CSRNP3: variants seen among roughly 807,000 people sequenced by gnomAD.
CSRNP3 encodes cysteine/serine-rich nuclear protein 3.
In CSRNP3, 12 loss-of-function variants were observed where a neutral mutation model predicts 48.0. That is an observed-to-expected ratio of 0.25 (90% CI 0.16 to 0.41). CSRNP3 has a LOEUF of 0.41. CSRNP3 is among the 10% of genes least tolerant of loss of function. CSRNP3 has a pLI of 1.00. For synonymous variants in CSRNP3, 263 were observed against 269.7 expected (o/e 0.98, Z 0.24); for missense variants, 580 against 724.4 (o/e 0.80, Z 2.29).
At chr2:165,500,422 C>T (rs371604480) in intron 2 of CSRNP3, among the ~76,000 whole-genome samples, 21 of 66,632 alleles carry the variant, frequency 3.2e-4, no homozygotes, top group East Asian at 1.6e-3. Flanking sequence ...TATATATATA[C>T]ACACACACAC....
At chr2:165,670,345 G>T (rs1558969500) in intron 5 of CSRNP3, among the ~76,000 whole-genome samples, 2 of 152,058 alleles carry the variant, frequency 1.3e-5, no homozygotes, top group African/African-American at 2.4e-5. Context: ...TAGACTCCTT[G>T]TCTCTTTACT....
chr2:165,663,768 C>A (rs1242054170), intron 5 of CSRNP3, among the ~76,000 whole-genome samples: 1 of 152,086 alleles, frequency 6.6e-6, no homozygotes, highest in Non-Finnish European at 1.5e-5. Context: ...GTGTACTTCT[C>A]TTCCCAATGG....
intron 4 of CSRNP3, among the ~76,000 whole-genome samples, chr2:165,607,301 A>G (rs916825218): frequency 2.0e-5 from 3 of 152,172 alleles, no homozygotes; most frequent in Non-Finnish European, 4.4e-5. Flanking sequence ...TTGTAGCACC[A>G]TATTAGAAAC....
chr2:165,556,225 G>C (rs73029832), intron 3 of CSRNP3, among the ~76,000 whole-genome samples: 3,110 of 152,170 alleles, frequency 0.02, 113 homozygotes, highest in African/African-American at 0.07. Flanking sequence ...CAGGTTTCTT[G>C]GATTCAGCAA....
chr2:165,486,285 G>T (rs1398073423), intron 1 of CSRNP3, among the ~76,000 whole-genome samples: 1 of 152,220 alleles, frequency 6.6e-6, no homozygotes, highest in African/African-American at 2.4e-5. Context: ...ACCTGGCTCG[G>T]AGGGTCCTAC....
chr2:165,631,110 G>A (rs1686527786), intron 4 of CSRNP3, among the ~76,000 whole-genome samples: 1 of 152,178 alleles, frequency 6.6e-6, no homozygotes, highest in South Asian at 2.1e-4. Context: ...TTCCGAGGAG[G>A]TATATTAGAG....
intron 3 of CSRNP3, among the ~76,000 whole-genome samples, chr2:165,522,137 A>G (rs1299675487): frequency 6.6e-6 from 1 of 152,006 alleles, no homozygotes; most frequent in East Asian, 1.9e-4. Context: ...CAAAAAATAC[A>G]AAAAATTAGC....
At chr2:165,496,799 G>T (rs537575714) in intron 2 of CSRNP3, among the ~76,000 whole-genome samples, 1 of 151,584 alleles carries the variant, frequency 6.6e-6, no homozygotes, top group African/African-American at 2.4e-5. Flanking sequence ...TTTTTAAATC[G>T]CCAGCATGCT....
intron 4 of CSRNP3, among the ~76,000 whole-genome samples, chr2:165,619,410 T>C (rs1233979623): frequency 6.6e-6 from 1 of 152,174 alleles, no homozygotes; most frequent in African/African-American, 2.4e-5. Flanking sequence ...GAAAGTATTT[T>C]ATTAGTGGTG....
chr2:165,532,224 C>T (rs1352807420), intron 3 of CSRNP3, among the ~76,000 whole-genome samples: 4 of 152,168 alleles, frequency 2.6e-5, no homozygotes, highest in African/African-American at 9.7e-5. Flanking sequence ...CCAGCATCAT[C>T]CTGATACCAA....
At chr2:165,528,972 G>A (rs1684775450) in intron 3 of CSRNP3, among the ~76,000 whole-genome samples, 1 of 152,196 alleles carries the variant, frequency 6.6e-6, no homozygotes, top group African/African-American at 2.4e-5. Flanking sequence ...CCTGGGGCCA[G>A]AGCAGGGGGG....
At chr2:165,482,826 C>T (rs1684065727) in intron 1 of CSRNP3, among the ~76,000 whole-genome samples, 1 of 152,102 alleles carries the variant, frequency 6.6e-6, no homozygotes, top group Admixed American at 6.5e-5. Flanking sequence ...TCCAAATATA[C>T]TTTCACCTTA....
At position 165,681,616 on chromosome 2, in the gene CSRNP3, C is replaced by T. The variant is rs1687539768; in HGVS notation, c.*1863C>T. ...ACTCTTAATATTAACATTAAAAGAG[C>T]TTTGGGTTTGTCTTTATGTAGGTTG... On this transcript the variant is annotated 3_prime_UTR_variant, in exon 7 of 7. Coordinates refer to ENST00000651982, the MANE Select transcript of CSRNP3 (RefSeq NM_001172173.2). 1 of 150,428 alleles carries T rather than the reference C, an allele frequency of 6.6e-6. No homozygotes were observed. Among genetic ancestry groups the T allele is most frequent in the African/African-American group, 2.4e-5 (1 of 40,926 alleles). 9.3% of individuals were successfully genotyped at this position (150,428 alleles called of 1,614,324 possible).
At chr2:165,615,791 C>T (rs963836072) in intron 4 of CSRNP3, among the ~76,000 whole-genome samples, 1 of 151,208 alleles carries the variant, frequency 6.6e-6, no homozygotes, top group Non-Finnish European at 1.5e-5. Context: ...CTAAAGTGCA[C>T]TGGTGCAATC....
rs185609919 is a variant in CSRNP3, at chr2:165,571,265, G to A, written c.-23-23778G>A. Among the ~76,000 whole-genome samples, 42 of 151,724 alleles carry A rather than the reference G, an allele frequency of 2.8e-4. 1 individual carries two copies. The East Asian group carries it at 7.5e-3, about 27-fold the overall frequency. ...CTGTGTGTGTTCTTTGTTGCACTTCGCATGTATTTGTCATAAGATTTTCAC... is the reference window on the plus strand; with the variant it reads ...CTGTGTGTGTTCTTTGTTGCACTTCACATGTATTTGTCATAAGATTTTCAC... On this transcript the variant is annotated intron_variant, in intron 3 of 6. Transcript: ENST00000651982.
chr2:165,526,620 T>G (rs1684735022), intron 3 of CSRNP3, among the ~76,000 whole-genome samples: 1 of 152,200 alleles, frequency 6.6e-6, no homozygotes, highest in South Asian at 2.1e-4. Context: ...GTTAAGGTCT[T>G]ATTGAACTTT....
chr2:165,529,216 A>G (rs1684780972), intron 3 of CSRNP3, among the ~76,000 whole-genome samples: 1 of 152,168 alleles, frequency 6.6e-6, no homozygotes, highest in African/African-American at 2.4e-5. Context: ...TGGTTTTGAA[A>G]TGTGAGGACA....
rs1490923979 is a variant in CSRNP3 at position 165,546,489 on chromosome 2, CCTCT to C, written c.-24+28531_-24+28534del. 5.9e-5 allele frequency among the ~76,000 whole-genome samples: 9 copies of C among 152,284 alleles called. No individual in the cohort carries two copies. In the East Asian group the frequency reaches 1.7e-3, roughly 29 times the overall value. On this transcript the variant is annotated intron_variant, in intron 3 of 6. Transcript: ENST00000651982. ...TACAGGCATGAGCCACCAAGCCTAG[CCTCT>C]CTGTCTTCTGTAACGCTGGTACTCT...
At chr2:165,527,744 A>C (rs1405694621) in intron 3 of CSRNP3, among the ~76,000 whole-genome samples, 1 of 152,204 alleles carries the variant, frequency 6.6e-6, no homozygotes, top group Non-Finnish European at 1.5e-5. Context: ...AATCATAAAC[A>C]ACATAAAGAG....
Sources: gnomAD v4.1 joint callset for allele counts (sites outside exome capture counted in the v4.1 genomes callset) on GRCh38, gnomAD v4.1.1 for gene constraint, MANE v1.5 for transcripts, NCBI Gene and HGNC (gene_info 2026-07-23, HGNC 2026-07-21) for gene names.